LDB3: variants seen among roughly 807,000 people sequenced by gnomAD.
LDB3 encodes LIM domain-binding protein 3.
A neutral mutation model predicts 69.0 loss-of-function variants in LDB3; 49 were observed. The ratio of observed to expected loss-of-function variants is 0.71; its 90% confidence interval spans 0.56 to 0.90. The LOEUF (loss-of-function observed/expected upper bound fraction) is 0.90, where lower values mean the gene tolerates loss of function less well. Among genes scored for constraint, LDB3 ranks in the 40% least tolerant of loss-of-function variants. The pLI, the probability that LDB3 is intolerant of heterozygous loss-of-function variation, is 0.00. For missense variants in LDB3, 928 were observed against 974.1 expected (o/e 0.95, Z 0.63); for synonymous variants, 387 against 396.2 (o/e 0.98, Z 0.28).
intron 9 of LDB3, among the ~76,000 whole-genome samples, chr10:86,713,007 A>G (rs1369040520): frequency 1.3e-5 from 2 of 152,066 alleles, no homozygotes; most frequent in Non-Finnish European, 2.9e-5. Flanking sequence ...GTGGCTGTGA[A>G]GCCGAGATTG....
chr10:86,713,455 G>A (rs1034063214), intron 9 of LDB3, among the ~76,000 whole-genome samples: 4 of 152,106 alleles, frequency 2.6e-5, no homozygotes, highest in Admixed American at 2.6e-4. Context: ...ATGTTGGCCA[G>A]GCTGATCTCG....
At chr10:86,687,405 A>C in intron 5 of LDB3, 17 of 852,080 alleles carry the variant, frequency 2.0e-5, no homozygotes, top group South Asian at 8.5e-5. Context: ...GAGGGGAGCC[A>C]GCCTTCACCA....
chr10:86,707,148 C>G (rs572268578), intron 8 of LDB3, among the ~76,000 whole-genome samples: 123 of 152,146 alleles, frequency 8.1e-4, no homozygotes, highest in African/African-American at 2.9e-3. Context: ...CTGGAGAAAT[C>G]AAGGAAGGCT....
chr10:86,721,958 G>T (rs1847095934), intron 12 of LDB3, among the ~76,000 whole-genome samples: 1 of 152,192 alleles, frequency 6.6e-6, no homozygotes, highest in Non-Finnish European at 1.5e-5. Context: ...AAATTAGAAA[G>T]ACTTAAAGGG....
Position 86,733,408 on chromosome 10 carries a change from C to T in LDB3, c.*432C>T, listed in dbSNP as rs1847541563. 4.2e-6 allele frequency: 1 copy of T among 236,676 alleles called. No individual in the cohort carries two copies. The highest frequency in any genetic ancestry group is 5.2e-5 in the Admixed American group (1 of 19,310). 14.7% of individuals were successfully genotyped at this position (236,676 alleles called of 1,614,324 possible). ...AAATTGAAGTGCCAAACAGCACTCG[C>T]TGCAGGGTATTTTTAGAGTCATAGC... On this transcript the variant is annotated 3_prime_UTR_variant, in exon 14 of 14. Transcript: ENST00000361373.
chr10:86,689,257 C>T (rs1274999661), intron 5 of LDB3, among the ~76,000 whole-genome samples: 1 of 152,094 alleles, frequency 6.6e-6, no homozygotes, highest in Non-Finnish European at 1.5e-5. Flanking sequence ...CTCTGCTTGG[C>T]AGGGCGTCAC....
At chr10:86,714,286 C>A (rs1011330787) in intron 9 of LDB3, among the ~76,000 whole-genome samples, 8 of 152,180 alleles carry the variant, frequency 5.3e-5, no homozygotes, top group Non-Finnish European at 7.3e-5. Flanking sequence ...GACTCCACAG[C>A]AGGGGGTCTC....
chr10:86,731,503 G>A (rs1340003853), intron 13 of LDB3, among the ~76,000 whole-genome samples: 10 of 152,008 alleles, frequency 6.6e-5, no homozygotes, highest in Admixed American at 3.3e-4. Context: ...GATTGCAGGC[G>A]TGAGCCACCA....
intron 12 of LDB3, among the ~76,000 whole-genome samples, chr10:86,720,539 T>G (rs1480012495): frequency 1.4e-5 from 2 of 141,894 alleles, no homozygotes; most frequent in African/African-American, 4.9e-5. Context: ...CTGAAACAAG[T>G]CACTTACTCT....
In LDB3 at chr10:86,734,529, T is replaced by G. The variant is rs2132520531; in HGVS notation, c.*1553T>G. On this transcript the variant is annotated 3_prime_UTR_variant, in exon 14 of 14. Transcript: ENST00000361373. ...TCTGTCCTCACTCCTGTTTTGGATTTTTCTCTTTGCATGTTTGAAATGTTT... is the reference window on the plus strand; with the variant it reads ...TCTGTCCTCACTCCTGTTTTGGATTGTTCTCTTTGCATGTTTGAAATGTTT... 1.3e-5 allele frequency: 2 copies of G among 152,376 alleles called. No homozygotes were observed. Among genetic ancestry groups the G allele is most frequent in the Middle Eastern group, 6.8e-3 (2 of 294 alleles). The allele number at this position is 152,376 out of a possible 1,614,324, so 9.4% of individuals were successfully genotyped here.
At chr10:86,702,933 C>G (rs1034645865) in intron 7 of LDB3, among the ~76,000 whole-genome samples, 2 of 152,142 alleles carry the variant, frequency 1.3e-5, no homozygotes, top group Non-Finnish European at 2.9e-5. Flanking sequence ...CCAGGTATAC[C>G]TGGTGGTGAT....
intron 9 of LDB3, among the ~76,000 whole-genome samples, chr10:86,714,110 C>T (rs1846773643): frequency 6.6e-6 from 1 of 152,316 alleles, no homozygotes; most frequent in Middle Eastern, 3.4e-3. Flanking sequence ...TATTTCTTAC[C>T]TTCCCTTAAT....
chr10:86,716,359 G>T lies in LDB3; in HGVS notation c.1264G>T (p.Ala422Ser), dbSNP rs192983732. The T allele has an allele frequency of 6.2e-7, 1 of 1,610,468 alleles. No homozygotes were observed. The highest frequency in any genetic ancestry group is 2.2e-5 in the East Asian group (1 of 44,806). The change falls in exon 10 of 14, where the codon GCC (alanine) becomes TCC (serine). Residue 422 changes from alanine to serine, a missense_variant. Ala to Ser is a moderately conservative substitution (Grantham distance 99, BLOSUM62 1). Coordinates refer to ENST00000361373, the MANE Select transcript of LDB3 (RefSeq NM_007078.3). ...PASTYSPSPG[A>S]NYSPTPYTPS... ...ATCTACCTACAGCCCGTCCCCAGGG[G>T]CCAATTACAGTCCCACTCCCTACAC...
At position 86,720,450 on chromosome 10, in the gene LDB3, A is replaced by AG. The variant is rs1301885408; in HGVS notation, c.1978+1603_1978+1604insG. On this transcript the variant is annotated intron_variant, in intron 12 of 13. Transcript: ENST00000361373. ...CACAGTAAGACTCCATCTGAAAAAA[A>AG]AAAGAAAGAAAGAAAAGAAACGTCT... Among the ~76,000 whole-genome samples the AG allele has an allele frequency of 5.9e-5, 9 of 151,886 alleles. No individual in the cohort carries two copies. In the East Asian group the frequency reaches 9.7e-4, roughly 16 times the overall value.
chr10:86,668,033 C>A (rs1245328576), upstream of LDB3, among the ~76,000 whole-genome samples: 1 of 152,208 alleles, frequency 6.6e-6, no homozygotes, highest in African/African-American at 2.4e-5. Context: ...GTTGGCTATG[C>A]CCAGAGCTGC....
At chr10:86,705,965 T>A (rs2132456755) in intron 7 of LDB3, among the ~76,000 whole-genome samples, 1 of 152,312 alleles carries the variant, frequency 6.6e-6, no homozygotes, top group Middle Eastern at 3.4e-3. Flanking sequence ...TTTGTCCAGG[T>A]AACCTTGCTC....
intron 7 of LDB3, among the ~76,000 whole-genome samples, chr10:86,697,215 CTTTTTTTTTTTT>C (rs34215720): frequency 1.3e-5 from 1 of 77,782 alleles, no homozygotes; most frequent in Non-Finnish European, 2.3e-5. Context: ...TAGCAATTCA[CTTTTTTTTTTTT>C]TTTTTTTTTT....
rs1589663977 is a variant in LDB3, at chr10:86,706,730, C to T, written c.1085+11C>T. On this transcript the variant is annotated intron_variant, in intron 8 of 13. Coordinates refer to ENST00000361373, the MANE Select transcript of LDB3 (RefSeq NM_007078.3). ...TGCCGACAGCCCAAGGTAACTGGGC[C>T]ACAGGTGCTGGGCCTGACCCTGGGG... The T allele has an allele frequency of 6.2e-6, 10 of 1,607,506 alleles. No homozygotes were observed. Among genetic ancestry groups the T allele is most frequent in the Non-Finnish European group, 8.5e-6 (10 of 1,177,290 alleles).
chr10:86,676,115 C>G (rs1844778121), intron 2 of LDB3, among the ~76,000 whole-genome samples: 1 of 152,234 alleles, frequency 6.6e-6, no homozygotes, highest in East Asian at 1.9e-4. Flanking sequence ...CTAAGATGCC[C>G]CTGCGGGGCC....
Sources: gnomAD v4.1 joint callset for allele counts (sites outside exome capture counted in the v4.1 genomes callset) on GRCh38, gnomAD v4.1.1 for gene constraint, MANE v1.5 for transcripts, NCBI Gene and HGNC (gene_info 2026-07-23, HGNC 2026-07-21) for gene names.